The following SEMA5B variants were observed in gnomAD, a reference collection of about 807,000 sequenced individuals.
The protein encoded by SEMA5B is semaphorin 5B.
SEMA5B carries 66 observed loss-of-function variants against 135.0 expected under a neutral mutation model. The ratio of observed to expected loss-of-function variants is 0.49; its 90% confidence interval spans 0.40 to 0.60. The LOEUF is 0.60. Among genes scored for constraint, SEMA5B ranks in the 20% least tolerant of loss-of-function variants. The pLI is 0.00. For synonymous variants in SEMA5B, 690 were observed against 639.5 expected (o/e 1.08, Z -1.19); for missense variants, 1,501 against 1,566.3 (o/e 0.96, Z 0.70).
At chr3:122,975,779 G>A (rs1257833366) in intron 1 of SEMA5B, among the ~76,000 whole-genome samples, 37 of 152,026 alleles carry the variant, frequency 2.4e-4, no homozygotes, top group Admixed American at 2.4e-3. Context: ...AAAGCTGCCA[G>A]AACACAGTCT....
chr3:123,026,420 G>C (rs1942800535), intron 1 of SEMA5B, among the ~76,000 whole-genome samples: 1 of 139,116 alleles, frequency 7.2e-6, no homozygotes, highest in African/African-American at 2.6e-5. Context: ...CGGGCAGTCG[G>C]AACTACCCAA....
chr3:122,942,166 G>A (rs983174349), intron 4 of SEMA5B, among the ~76,000 whole-genome samples: 1 of 152,074 alleles, frequency 6.6e-6, no homozygotes, highest in Non-Finnish European at 1.5e-5. Flanking sequence ...ATGCTTTCAG[G>A]CCCAGCTTCA....
At chr3:122,961,500 C>G (rs866092061) in intron 1 of SEMA5B, among the ~76,000 whole-genome samples, 199 bp from the exon 2 acceptor site, 15 of 152,028 alleles carry the variant, frequency 9.9e-5, no homozygotes, top group African/African-American at 3.4e-4. Flanking sequence ...TGCTCTGCTG[C>G]CCAGGCTCTA....
intron 1 of SEMA5B, among the ~76,000 whole-genome samples, chr3:123,020,035 A>T (rs1189521956): frequency 1.3e-5 from 2 of 152,238 alleles, no homozygotes; most frequent in African/African-American, 4.8e-5. Flanking sequence ...TCAGTCAAAA[A>T]CGGTCTAAAT....
chr3:122,927,998 C>A lies in SEMA5B; in HGVS notation c.642G>T (p.Gly214=). ...TCTTCTCAATAGTCCGGCTGAGGTTCCCCACCTGGGGACAATGGGGAGAAG... is the reference window on the plus strand; with the variant it reads ...TCTTCTCAATAGTCCGGCTGAGGTTACCCACCTGGGGACAATGGGGAGAAG... ...FSPMCTSRQV[G]NLSRTIEKIN... is the part of the protein sequence containing the mutation. Residue 214 remains glycine (G), a synonymous_variant, in exon 8 of 23, where the codon GGG becomes GGT. Transcript: ENST00000357599. 1 of 1,468,240 alleles carries A rather than the reference C, an allele frequency of 6.8e-7. No homozygotes were observed. 91.0% of individuals were successfully genotyped at this position (1,468,240 alleles called of 1,614,324 possible).
At chr3:122,984,544 A>G (rs1230658159) in intron 1 of SEMA5B, among the ~76,000 whole-genome samples, 1 of 152,198 alleles carries the variant, frequency 6.6e-6, no homozygotes, top group African/African-American at 2.4e-5. Context: ...CTCTGCTCCA[A>G]CAAAAACCCA....
intron 5 of SEMA5B, among the ~76,000 whole-genome samples, chr3:122,930,057 G>C (rs536097910): frequency 2.6e-5 from 4 of 152,292 alleles, no homozygotes; most frequent in African/African-American, 9.6e-5. Context: ...TGAGAAAGCA[G>C]CTCTGTCTTC....
chr3:123,003,766 G>A (rs1342492935), intron 1 of SEMA5B, among the ~76,000 whole-genome samples: 4 of 152,084 alleles, frequency 2.6e-5, no homozygotes, highest in South Asian at 2.1e-4. Context: ...CCTTGGAGGC[G>A]GAGATTGCAG....
Position 122,915,619 on chromosome 3 carries a change from C to T in SEMA5B, c.1809G>A (p.Val603=). The T allele has an allele frequency of 1.2e-6, 2 of 1,609,950 alleles. No homozygotes were observed. The highest frequency in any genetic ancestry group is 1.7e-6 in the Non-Finnish European group (2 of 1,177,138). Residue 603 remains valine (V), a splice_region_variant and synonymous_variant, in exon 14 of 23, where the codon GTG becomes GTA. Transcript: ENST00000357599. ...AGCCCCCATCCCGTGTCACATTCCGCACCTGAAGACACACATGGGAGACAG... is the reference window on the plus strand; with the variant it reads ...AGCCCCCATCCCGTGTCACATTCCGTACCTGAAGACACACATGGGAGACAG... The part of the protein sequence containing the change: ...LWTQNITACP[V]RNVTRDGGFG...
chr3:122,947,001 C>A (rs968624553), intron 3 of SEMA5B, among the ~76,000 whole-genome samples: 14 of 152,086 alleles, frequency 9.2e-5, no homozygotes, highest in African/African-American at 3.4e-4. Context: ...CCTGATTGGT[C>A]GGGAGACAGG....
At chr3:123,001,327 G>A (rs1368421977) in intron 1 of SEMA5B, among the ~76,000 whole-genome samples, 2 of 152,136 alleles carry the variant, frequency 1.3e-5, no homozygotes, top group African/African-American at 2.4e-5. Flanking sequence ...GCGTATCATA[G>A]AGAAAAAGAG....
At chr3:123,001,484 C>T (rs1173553821) in intron 1 of SEMA5B, among the ~76,000 whole-genome samples, 1 of 151,976 alleles carries the variant, frequency 6.6e-6, no homozygotes, top group Non-Finnish European at 1.5e-5. Flanking sequence ...AACCTTTTTC[C>T]CTTCATACTC....
intron 1 of SEMA5B, among the ~76,000 whole-genome samples, chr3:122,989,020 T>C (rs1339146192): frequency 2.0e-5 from 3 of 152,232 alleles, no homozygotes; most frequent in African/African-American, 7.2e-5. Context: ...GGGGCTTCTG[T>C]TGCTAATTGG....
chr3:122,911,932 T>A lies in SEMA5B; in HGVS notation c.3034A>T (p.Ser1012Cys). The A allele has an allele frequency of 1.2e-6, 2 of 1,600,056 alleles. No homozygotes were observed. The highest frequency in any genetic ancestry group is 2.2e-5 in the South Asian group (2 of 90,324). The part of the protein sequence containing the change: ...NSSQSRPCPY[S>C]EIPVILPASS... ...CAGGGGTACCTACCGGGAATCTCGC[T>A]GTAGGGGCAGGGGCGGCTCTGGCTG... The change falls in exon 20 of 23, where the codon AGC (serine) becomes TGC (cysteine). Residue 1012 changes from serine (S) to cysteine (C), a missense_variant. Physicochemically the swap from Ser to Cys is moderately radical, Grantham distance 112. Coordinates refer to ENST00000357599, the MANE Select transcript of SEMA5B (RefSeq NM_001031702.4).
chr3:122,913,690 G>A lies in SEMA5B; in HGVS notation c.2133-9C>T, dbSNP rs1341146271. The A allele has an allele frequency of 5.6e-6, 9 of 1,612,456 alleles. No homozygotes were observed. Among genetic ancestry groups the A allele is most frequent in the Admixed American group, 5.0e-5 (3 of 59,926 alleles). On this transcript the variant is annotated splice_polypyrimidine_tract_variant and intron_variant, in intron 15 of 22. Coordinates refer to ENST00000357599, the MANE Select transcript of SEMA5B (RefSeq NM_001031702.4). ...TGTTCTCATTACAGAACCTGGGGTCGGGGGAGAGGCGTCAATCCAGGGAGG... is the reference window on the plus strand; with the variant it reads ...TGTTCTCATTACAGAACCTGGGGTCAGGGGAGAGGCGTCAATCCAGGGAGG...
chr3:122,931,163 C>CT (rs1246104818), intron 5 of SEMA5B, among the ~76,000 whole-genome samples: 1 of 152,118 alleles, frequency 6.6e-6, no homozygotes, highest in East Asian at 1.9e-4. Context: ...TAGCCCACCC[C>CT]TTTTCCCAAG....
chr3:122,956,155 C>G (rs1483314197), intron 2 of SEMA5B, among the ~76,000 whole-genome samples: 2 of 152,200 alleles, frequency 1.3e-5, no homozygotes, highest in Non-Finnish European at 2.9e-5. Context: ...AGATGCAGCA[C>G]CAGCCAACTC....
intron 2 of SEMA5B, among the ~76,000 whole-genome samples, chr3:122,953,524 G>T (rs529228425): frequency 6.6e-6 from 1 of 152,272 alleles, no homozygotes; most frequent in East Asian, 1.9e-4. Flanking sequence ...CCCCAGCACA[G>T]CACGTCTGTC....
At chr3:122,995,017 AG>A (rs1941993025) in intron 1 of SEMA5B, among the ~76,000 whole-genome samples, 1 of 152,114 alleles carries the variant, frequency 6.6e-6, no homozygotes, top group Non-Finnish European at 1.5e-5. Context: ...GTTTAGCAGG[AG>A]GGAAGCCGGG....
Sources: allele counts gnomAD v4.1 joint callset (sites outside exome capture counted in the v4.1 genomes callset), GRCh38; gene constraint gnomAD v4.1.1; transcripts MANE v1.5; gene names NCBI Gene and HGNC (gene_info 2026-07-23, HGNC 2026-07-21).